Variants in THEMIS observed in about 807,000 individuals in gnomAD.
THEMIS encodes protein THEMIS.
THEMIS carries 37 observed loss-of-function variants against 52.6 expected under a neutral mutation model. That is an observed-to-expected ratio of 0.70 (90% CI 0.54 to 0.93). The LOEUF is 0.93. Among genes scored for constraint, THEMIS ranks in the 40% least tolerant of loss-of-function variants. The pLI is 0.00. For synonymous variants in THEMIS, 292 were observed against 272.7 expected (o/e 1.07, Z -0.70); for missense variants, 808 against 763.1 (o/e 1.06, Z -0.69).
chr6:127,697,021 G>A, the THEMIS span, among the ~76,000 whole-genome samples: 11 of 151,888 alleles, frequency 7.2e-5, no homozygotes, highest in South Asian at 2.1e-4. Context: ...ACACATACAC[G>A]TACATGTATG....
chr6:127,899,702 G>A (rs970320939), intron 1 of THEMIS, among the ~76,000 whole-genome samples: 11 of 151,578 alleles, frequency 7.3e-5, no homozygotes, highest in South Asian at 2.1e-4. Context: ...GACTTTTTAC[G>A]TAAAGCCTAA....
At position 127,708,977 on chromosome 6, in the gene THEMIS, A is replaced by G. The variant is rs1773881922; in HGVS notation, c.*1008T>C. On this transcript the variant is annotated 3_prime_UTR_variant, in exon 6 of 6. Transcript: ENST00000368248. ...CATTACTATTAAATTCCTATGTAAC[A>G]TTAACCAGATAGCCTGTCTCTTCAT... The G allele has an allele frequency of 6.6e-6, 1 of 152,008 alleles. No individual in the cohort carries two copies. Among genetic ancestry groups the G allele is most frequent in the Non-Finnish European group, 1.5e-5 (1 of 67,942 alleles). 9.4% of individuals were successfully genotyped at this position (152,008 alleles called of 1,614,324 possible).
At chr6:127,710,819 C>A (rs183776529) in intron 5 of THEMIS, among the ~76,000 whole-genome samples, 1 of 151,798 alleles carries the variant, frequency 6.6e-6, no homozygotes, top group Non-Finnish European at 1.5e-5. Flanking sequence ...TCTCTCTGAC[C>A]CTCCCCTGCT....
chr6:127,916,860 A>G (rs1405342485), intron 1 of THEMIS, among the ~76,000 whole-genome samples: 1 of 152,244 alleles, frequency 6.6e-6, no homozygotes, highest in Non-Finnish European at 1.5e-5. Context: ...ACAAGCTATT[A>G]GGCTGGTGCA....
chr6:127,845,635 A>T (rs910186595), intron 2 of THEMIS, among the ~76,000 whole-genome samples: 1 of 151,944 alleles, frequency 6.6e-6, no homozygotes, highest in Non-Finnish European at 1.5e-5. Context: ...GCTCTCTGGA[A>T]GATCACACTT....
chr6:127,840,156 C>T (rs1421041074), intron 2 of THEMIS, among the ~76,000 whole-genome samples: 1 of 151,984 alleles, frequency 6.6e-6, no homozygotes, highest in African/African-American at 2.4e-5. Context: ...CAATATGTAT[C>T]AGATCTTTAA....
chr6:127,906,236 A>G (rs536321169), intron 1 of THEMIS, among the ~76,000 whole-genome samples: 1 of 151,712 alleles, frequency 6.6e-6, no homozygotes, highest in East Asian at 1.9e-4. Flanking sequence ...TCAATATTAC[A>G]TCAATTAGAT....
At chr6:127,852,877 T>C (rs1704723511) in intron 2 of THEMIS, among the ~76,000 whole-genome samples, 1 of 151,568 alleles carries the variant, frequency 6.6e-6, no homozygotes. Flanking sequence ...TCCTTTACAA[T>C]AAAACTGTTT....
At chr6:127,856,475 C>G (rs1328083289) in intron 1 of THEMIS, among the ~76,000 whole-genome samples, 2 of 151,934 alleles carry the variant, frequency 1.3e-5, no homozygotes, top group African/African-American at 4.8e-5. Context: ...CCATAGGCAT[C>G]CCATTAGCCA....
intron 3 of THEMIS, among the ~76,000 whole-genome samples, chr6:127,820,536 T>C (rs1400573824): frequency 1.3e-5 from 2 of 152,214 alleles, no homozygotes; most frequent in African/African-American, 4.8e-5. Context: ...CTGAGGAATG[T>C]ATAACTACTT....
chr6:127,731,971 G>C (rs1286701203), intron 4 of THEMIS, among the ~76,000 whole-genome samples: 1 of 144,972 alleles, frequency 6.9e-6, no homozygotes, highest in Non-Finnish European at 1.5e-5. Flanking sequence ...CTCCCAAAGT[G>C]CTGGGGTTAC....
chr6:127,869,893 A>G (rs1211934045), intron 1 of THEMIS, among the ~76,000 whole-genome samples: 1 of 152,134 alleles, frequency 6.6e-6, no homozygotes, highest in African/African-American at 2.4e-5. Context: ...ACAAAACACC[A>G]TTGTCTCTAT....
intron 1 of THEMIS, among the ~76,000 whole-genome samples, chr6:127,899,429 G>A (rs150101472): frequency 3.2e-4 from 48 of 151,882 alleles, no homozygotes; most frequent in African/African-American, 1.1e-3. Flanking sequence ...GAATAGAAGA[G>A]ATATTTTAGA....
intron 3 of THEMIS, among the ~76,000 whole-genome samples, chr6:127,822,668 A>C (rs1383313681): frequency 6.6e-6 from 1 of 152,148 alleles, no homozygotes; most frequent in Non-Finnish European, 1.5e-5. Flanking sequence ...CAACTTGCTT[A>C]GGCTATATTA....
At chr6:127,769,946 A>G (rs1250898656) in intron 4 of THEMIS, among the ~76,000 whole-genome samples, 7 of 152,362 alleles carry the variant, frequency 4.6e-5, no homozygotes. Flanking sequence ...TACAAAGGAC[A>G]TGAACTCACC....
chr6:127,719,681 T>G lies in THEMIS; in HGVS notation c.1894+7A>C. 2 of 1,608,180 alleles carry G rather than the reference T, an allele frequency of 1.2e-6. No individual in the cohort carries two copies. Among genetic ancestry groups the G allele is most frequent in the Non-Finnish European group, 1.7e-6 (2 of 1,177,272 alleles). Reference sequence around the variant, plus strand: ...GTGGTTTAACTGACCTATAGTCACATCAGTACCTGCTATTGCTGTGGCCCC... The same window carrying G: ...GTGGTTTAACTGACCTATAGTCACAGCAGTACCTGCTATTGCTGTGGCCCC... On this transcript the variant is annotated splice_region_variant and intron_variant, in intron 5 of 5. Transcript: ENST00000368248.
intron 1 of THEMIS, among the ~76,000 whole-genome samples, chr6:127,891,968 A>C (rs1022930882): frequency 2.0e-5 from 3 of 152,082 alleles, no homozygotes; most frequent in Non-Finnish European, 4.4e-5. Flanking sequence ...ACTCTGGAAC[A>C]CTCCAGAACC....
At chr6:127,839,946 G>A (rs1232579882) in intron 2 of THEMIS, among the ~76,000 whole-genome samples, 1 of 151,986 alleles carries the variant, frequency 6.6e-6, no homozygotes, top group Non-Finnish European at 1.5e-5. Context: ...TGGAGACAGG[G>A]ACACTAAAAG....
intron 4 of THEMIS, among the ~76,000 whole-genome samples, chr6:127,804,238 A>C (rs1562267732): frequency 6.6e-6 from 1 of 152,178 alleles, no homozygotes; most frequent in Admixed American, 6.5e-5. Flanking sequence ...GGAAGGCATA[A>C]TATTGCAGAA....
Sources: gnomAD v4.1 joint callset for allele counts (sites outside exome capture counted in the v4.1 genomes callset) on GRCh38, gnomAD v4.1.1 for gene constraint, MANE v1.5 for transcripts, NCBI Gene and HGNC (gene_info 2026-07-23, HGNC 2026-07-21) for gene names.